KIF5A: variants seen among roughly 807,000 people sequenced by gnomAD.
The protein encoded by KIF5A is kinesin family member 5A, also known as kinesin heavy chain isoform 5A.
KIF5A carries 35 observed loss-of-function variants against 141.3 expected under a neutral mutation model. That is an observed-to-expected ratio of 0.25 (90% CI 0.19 to 0.33). The LOEUF is 0.33. Among genes scored for constraint, KIF5A ranks in the 10% least tolerant of loss-of-function variants. The probability of loss-of-function intolerance (pLI) is 1.00; values close to 1 mark genes in which losing one functional copy is unlikely to be tolerated. For synonymous variants in KIF5A, 448 were observed against 500.2 expected (o/e 0.90, Z 1.39); for missense variants, 861 against 1,314.3 (o/e 0.66, Z 5.33).
intron 6 of KIF5A, 25 bp from the exon 7 acceptor site, chr12:57,567,101 G>T: frequency 6.9e-7 from 1 of 1,445,840 alleles, no homozygotes; most frequent in Non-Finnish European, 9.7e-7. Flanking sequence ...AAGCTTATGG[G>T]TCACTGTCCA....
rs776751071 is a variant in KIF5A, at chr12:57,570,182, GC to G, written c.1293+21del. 1.1e-4 allele frequency: 173 copies of G among 1,611,070 alleles called. No homozygotes were observed. The highest frequency in any genetic ancestry group is 1.4e-4 in the Non-Finnish European group (165 of 1,178,836). On this transcript the variant is annotated intron_variant, in intron 12 of 28. Transcript: ENST00000455537. The stretch of plus-strand genomic sequence containing the variant: ...GACAAGGTGAGGGCGGCCAGGCAGG[GC>G]ACTGAGGCACGCCAGGTGGGATGAG...
Position 57,570,134 on chromosome 12 carries a change from G to A in KIF5A, c.1265G>A (p.Arg422His), listed in dbSNP as rs1272478065. 8 of 1,613,850 alleles carry A rather than the reference G, an allele frequency of 5.0e-6. No homozygotes were observed. The highest frequency in any genetic ancestry group is 5.9e-6 in the Non-Finnish European group (7 of 1,180,018). Residue 422 changes from arginine to histidine, a missense_variant, in exon 12 of 29, where the codon CGC (arginine) becomes CAC (histidine). Arg to His is a conservative substitution (Grantham distance 29). This residue lies in a region of KIF5A where 167 missense variants were observed against 192.0 expected (regional missense o/e 0.87). Transcript: ENST00000455537. Reference protein sequence around the residue: ...EERQKYEEEIRRLYKQLDDKD... With the variant: ...EERQKYEEEIHRLYKQLDDKD... ...CGGCAGAAATACGAGGAGGAGATCC[G>A]CCGTCTCTATAAGCAGCTTGACGAC...
chr12:57,559,488 T>C (rs138340017), intron 1 of KIF5A, among the ~76,000 whole-genome samples: 1 of 152,306 alleles, frequency 6.6e-6, no homozygotes, highest in African/African-American at 2.4e-5. Flanking sequence ...ATTAATATAT[T>C]TTAACATTTA....
Position 57,550,499 on chromosome 12 carries a change from TC to T in KIF5A, c.129+103del. 8.6e-7 allele frequency: 1 copy of T among 1,158,250 alleles called. No individual in the cohort carries two copies. 71.7% of individuals were successfully genotyped at this position (1,158,250 alleles called of 1,614,324 possible). A position where few individuals can be genotyped will look rare whatever the true frequency, so the allele number is the denominator to read the frequency against. ...TCTCTGCTGGTCCCTTTGCTCCCCC[TC>T]CCCGCCGCTCATCCTTCATCCTCTT... is the stretch of plus-strand genomic sequence containing the variant. On this transcript the variant is annotated intron_variant, in intron 1 of 28. Transcript: ENST00000455537. This position sits in a 1 kb window ranked among gnomAD's most constrained non-coding sequence, Gnocchi z 4.6.
chr12:57,576,960 A>G, intron 20 of KIF5A, 98 bp downstream of exon 20: 1 of 863,790 alleles, frequency 1.2e-6, no homozygotes, highest in South Asian at 1.4e-5. Context: ...TGCAGACATG[A>G]TAGGGTGACT....
intron 12 of KIF5A, among the ~76,000 whole-genome samples, chr12:57,570,425 G>T (rs1321891189): frequency 6.6e-6 from 1 of 152,224 alleles, no homozygotes; most frequent in South Asian, 2.1e-4. Context: ...TTGAGACAGG[G>T]TCTTGCTGTG....
intron 6 of KIF5A, among the ~76,000 whole-genome samples, chr12:57,565,686 T>C (rs913842141): frequency 6.8e-5 from 10 of 146,464 alleles, no homozygotes; most frequent in African/African-American, 2.5e-4. Context: ...GTGCAGTGGC[T>C]CGACCTAGGG....
intron 28 of KIF5A, among the ~76,000 whole-genome samples, chr12:57,583,532 G>A (rs906341201): frequency 2.6e-5 from 4 of 152,142 alleles, no homozygotes; most frequent in Non-Finnish European, 5.9e-5. Flanking sequence ...TAGAACCACA[G>A]GGGTGGTAGA....
rs751295549 is a variant in KIF5A at position 57,578,265 on chromosome 12, G to C, written c.2461G>C (p.Gly821Arg). ...TGCAGAAATGGAGCCCGAAGACAGT[G>C]GGGGGATTCACTCCCAAAAGCAGAA... is the stretch of plus-strand genomic sequence containing the variant. ...KSAEMEPEDS[G>R]GIHSQKQKIS... Residue 821 changes from glycine to arginine, a missense_variant, in exon 23 of 29, where the codon GGG becomes CGG. By Grantham distance (125) the Gly-to-Arg change is moderately radical. This residue lies in a region of KIF5A where 482 missense variants were observed against 661.3 expected (regional missense o/e 0.73). Transcript: ENST00000455537. 1.9e-6 allele frequency: 3 copies of C among 1,613,720 alleles called. No individual in the cohort carries two copies. The South Asian group carries it at 3.3e-5, about 18-fold the overall frequency.
chr12:57,562,656 C>T (rs1279297716), intron 1 of KIF5A, among the ~76,000 whole-genome samples: 1 of 152,182 alleles, frequency 6.6e-6, no homozygotes, highest in Non-Finnish European at 1.5e-5. Context: ...ATTTCATTTA[C>T]ATGGTAGGGA....
At chr12:57,567,871 A>G (rs1369961005) in intron 8 of KIF5A, among the ~76,000 whole-genome samples, 1 of 149,412 alleles carries the variant, frequency 6.7e-6, no homozygotes, top group Non-Finnish European at 1.5e-5. Context: ...TGTGTTGGCC[A>G]GGCTGGTCCT....
intron 25 of KIF5A, 116 bp downstream of exon 25, chr12:57,581,684 A>G (rs1369980756): frequency 6.8e-6 from 9 of 1,318,688 alleles, no homozygotes; most frequent in Admixed American, 1.8e-5. Flanking sequence ...CCCTTTCTCA[A>G]CTTCATGCCT....
Position 57,578,047 on chromosome 12 carries a change from G to A in KIF5A, c.2400G>A (p.Leu800=). 3 of 1,614,202 alleles carry A rather than the reference G, an allele frequency of 1.9e-6. No homozygotes were observed. Among genetic ancestry groups the A allele is most frequent in the Non-Finnish European group, 2.5e-6 (3 of 1,180,024 alleles). Residue 800 remains leucine (L), a synonymous_variant, in exon 22 of 29, where the codon CTG becomes CTA. Coordinates refer to ENST00000455537, the MANE Select transcript of KIF5A (RefSeq NM_004984.4). ...ELQTLHNLRK[L]FVQDVTTRVK... ...AGACCCTCCACAACCTTCGCAAGCT[G>A]TTCGTTCAAGACGTCACGACTCGAG...
chr12:57,569,186 A>C lies in KIF5A; in HGVS notation c.820-70A>C. Reference sequence around the variant, plus strand: ...GGTTGTCTGATCCCGGGGTGGCACCACTATCCTTTCTGATTCCCTGTTGAA... The same window carrying C: ...GGTTGTCTGATCCCGGGGTGGCACCCCTATCCTTTCTGATTCCCTGTTGAA... On this transcript the variant is annotated intron_variant, in intron 9 of 28. Coordinates refer to ENST00000455537, the MANE Select transcript of KIF5A (RefSeq NM_004984.4). 3.1e-6 allele frequency: 5 copies of C among 1,598,090 alleles called. No homozygotes were observed. The South Asian group carries it at 5.5e-5, about 18-fold the overall frequency.
intron 20 of KIF5A, 35 bp downstream of exon 20, chr12:57,576,897 C>A: frequency 6.7e-7 from 1 of 1,487,718 alleles, no homozygotes; most frequent in Non-Finnish European, 9.4e-7. Context: ...AAACTACAGC[C>A]TTGTAGGCTC....
At chr12:57,580,926 T>G (rs1256645093) in intron 23 of KIF5A, 30 bp from the exon 24 acceptor site, 5 of 1,610,698 alleles carry the variant, frequency 3.1e-6, no homozygotes, top group Non-Finnish European at 4.2e-6. Flanking sequence ...TGCCTTCCTT[T>G]CCACTTCTTC....
intron 23 of KIF5A, among the ~76,000 whole-genome samples, chr12:57,579,951 C>T (rs1177205766): frequency 6.6e-6 from 1 of 152,166 alleles, no homozygotes; most frequent in Admixed American, 6.5e-5. Flanking sequence ...ACTACAATTT[C>T]CTACCTCAGC....
At chr12:57,581,230 G>A in intron 24 of KIF5A, 58 bp downstream of exon 24, 1 of 1,557,018 alleles carries the variant, frequency 6.4e-7, no homozygotes. Flanking sequence ...TTAGCAAATT[G>A]CTAATTGCCA....
At chr12:57,557,825 A>G (rs1266506268) in intron 1 of KIF5A, among the ~76,000 whole-genome samples, 2 of 151,840 alleles carry the variant, frequency 1.3e-5, no homozygotes, top group Non-Finnish European at 2.9e-5. Context: ...CTGAGTAGCT[A>G]GGATTATAGG....
Sources: gnomAD v4.1 joint callset for allele counts (sites outside exome capture counted in the v4.1 genomes callset) on GRCh38, gnomAD v4.1.1 for gene constraint, gnomAD v4.1.1 regional missense constraint, Gnocchi (gnomAD v3.1) non-coding constraint, MANE v1.5 for transcripts, NCBI Gene and HGNC (gene_info 2026-07-23, HGNC 2026-07-21) for gene names.